Variants in ZSCAN12 observed in about 807,000 individuals in gnomAD.
ZSCAN12 encodes zinc finger and SCAN domain containing 12.
Under a neutral mutation model 23.4 loss-of-function variants are expected in ZSCAN12, and 18 were observed. The ratio of observed to expected loss-of-function variants is 0.77; its 90% CI spans 0.53 to 1.14. The LOEUF (loss-of-function observed/expected upper bound fraction) is 1.14. Ranked by LOEUF, ZSCAN12 falls within the 50% of genes most tolerant of loss-of-function variation. The pLI, the probability that ZSCAN12 is intolerant of heterozygous loss-of-function variation, is 0.00. For missense variants in ZSCAN12, 650 were observed against 735.0 expected (o/e 0.88, Z 1.34); for synonymous variants, 186 against 253.4 (o/e 0.73, Z 2.53).
In ZSCAN12 at chr6:28,391,094, G is replaced by C. The variant is rs1760802421; in HGVS notation, c.1196C>G (p.Ser399Cys). The C allele has an allele frequency of 1.3e-6, 2 of 1,552,156 alleles. No homozygotes were observed. The highest frequency in any genetic ancestry group is 3.9e-5 in the Admixed American group (2 of 50,996). ...TQCNKSFSRR[S>C]ILTQHQGVHT... ...AACTCCTTGATGCTGAGTAAGTATG[G>C]AACGCCGACTAAAACTTTTATTACA... Residue 399 changes from serine (S) to cysteine (C), a missense_variant, in exon 4 of 4, where the codon TCC (serine) becomes TGC (cysteine). Coordinates refer to ENST00000684592, the MANE Select transcript of ZSCAN12 (RefSeq NM_001163391.2). The surrounding 1 kb of genome is among the most constrained non-coding windows in gnomAD (Gnocchi z 4.1).
At chr6:28,395,942 A>G (rs2113994939) in intron 2 of ZSCAN12, among the ~76,000 whole-genome samples, 1 of 151,370 alleles carries the variant, frequency 6.6e-6, no homozygotes, top group Admixed American at 6.6e-5. Flanking sequence ...TTATTTCACT[A>G]TTCCTTTTCT....
rs753927507 is a variant in ZSCAN12, at chr6:28,398,066, CA to C, written c.339del (p.Ser113ArgfsTer6). On this transcript the variant is annotated frameshift_variant, in exon 2 of 4. Transcript: ENST00000684592. LOFTEE classifies it high-confidence loss of function. The stretch of plus-strand genomic sequence containing the variant: ...TCCAGCACAGTCACCACCTCCTCCC[CA>C]CTCTCTGGATGCTGCTCCTGCACCC... ...QAWVQEQHPE[S>X]GEEVVTVLED... The C allele has an allele frequency of 6.2e-7, 1 of 1,613,280 alleles. No individual in the cohort carries two copies. The highest frequency in any genetic ancestry group is 1.3e-5 in the African/African-American group (1 of 74,882).
At chr6:28,393,344 G>A (rs2113987331) in intron 2 of ZSCAN12, among the ~76,000 whole-genome samples, 1 of 151,922 alleles carries the variant, frequency 6.6e-6, no homozygotes, top group African/African-American at 2.4e-5. Flanking sequence ...CAAAACAAAG[G>A]AGAGAAGAAA....
Position 28,391,933 on chromosome 6 carries a change from T to G in ZSCAN12, c.548-191A>C, listed in dbSNP as rs575489425. 3.2e-4 allele frequency among the ~76,000 whole-genome samples: 49 copies of G among 152,240 alleles called. No individual in the cohort carries two copies. Among genetic ancestry groups the G allele is most frequent in the Middle Eastern group, 6.8e-3 (2 of 294 alleles). On this transcript the variant is annotated intron_variant, in intron 3 of 3. Coordinates refer to ENST00000684592, the MANE Select transcript of ZSCAN12 (RefSeq NM_001163391.2). The surrounding 1 kb of genome is among the most constrained non-coding windows in gnomAD (Gnocchi z 4.1). ...ATATCTGGAAGGACACACGAAAAAT[T>G]AGTAACAGTTACAACCTATTTCAGA... is the stretch of plus-strand genomic sequence containing the variant.
chr6:28,397,064 C>T (rs942247461), intron 2 of ZSCAN12, among the ~76,000 whole-genome samples: 11 of 152,094 alleles, frequency 7.2e-5, no homozygotes, highest in Non-Finnish European at 1.2e-4. Flanking sequence ...TGACATGTTC[C>T]TAGCATTGGC....
downstream of ZSCAN12, among the ~76,000 whole-genome samples, chr6:28,383,356 G>A (rs1016955124): frequency 1.4e-4 from 21 of 152,152 alleles, no homozygotes; most frequent in Admixed American, 1.4e-3. Flanking sequence ...CGGAGCGCAC[G>A]AATCTGAAAC....
In ZSCAN12 at chr6:28,389,636, G is replaced by A. The variant is rs1332445324; in HGVS notation, c.*818C>T. 6.6e-6 allele frequency among the ~76,000 whole-genome samples: 1 copy of A among 152,204 alleles called. No homozygotes were observed. Among genetic ancestry groups the A allele is most frequent in the African/African-American group, 2.4e-5 (1 of 41,452 alleles). On this transcript the variant is annotated 3_prime_UTR_variant, in exon 4 of 4. Coordinates refer to ENST00000684592, the MANE Select transcript of ZSCAN12 (RefSeq NM_001163391.2). ...AACAAGCTCCAAACATGATTTTGAT[G>A]TTCATCAAAGTTGGAGGATCACTAG...
chr6:28,398,552 T>G, intron 1 of ZSCAN12, 79 bp from the exon 2 acceptor site: 1 of 752,890 alleles, frequency 1.3e-6, no homozygotes, highest in East Asian at 2.7e-5. Context: ...AACTATGACC[T>G]TTGAAATCTG....
chr6:28,393,095 C>A (rs1399831570), intron 2 of ZSCAN12, 49 bp from the exon 3 acceptor site: 1 of 1,538,516 alleles, frequency 6.5e-7, no homozygotes, highest in Admixed American at 2.0e-5. Context: ...TAACAGAAAA[C>A]AAAAAGTATA....
intron 3 of ZSCAN12, among the ~76,000 whole-genome samples, chr6:28,392,565 T>C (rs1345252540): frequency 6.6e-6 from 1 of 152,124 alleles, no homozygotes. Flanking sequence ...AAAGGCTTAT[T>C]TAGTGAAGCA....
chr6:28,390,685 TC>T lies in ZSCAN12; in HGVS notation c.1604del (p.Arg535GlnfsTer91), dbSNP rs1157601092. On this transcript the variant is annotated frameshift_variant, in exon 4 of 4. Coordinates refer to ENST00000684592, the MANE Select transcript of ZSCAN12 (RefSeq NM_001163391.2). LOFTEE classifies it low-confidence loss of function (END_TRUNC). ...YKCDECGNAF[R>X]GITSLIQHQR... The stretch of plus-strand genomic sequence containing the variant: ...GATGCTGAATGAGGCTGGTGATTCC[TC>T]GGAAGGCATTCCCACACTCATCACA... The T allele has an allele frequency of 6.2e-7, 1 of 1,613,004 alleles. No individual in the cohort carries two copies. Among genetic ancestry groups the T allele is most frequent in the East Asian group, 2.2e-5 (1 of 44,840 alleles).
Position 28,391,597 on chromosome 6 carries a change from T to C in ZSCAN12, c.693A>G (p.Glu231=). ...ARCGETREPE[E]ITEEPSACSR... is the part of the protein sequence containing the mutation. ...AGCAAGCAGAGGGCTCTTCTGTTAT[T>C]TCTTCAGGTTCACGAGTTTCTCCAC... The change falls in exon 4 of 4, where the codon GAA becomes GAG. Residue 231 remains glutamate, a synonymous_variant. Transcript: ENST00000684592. This position sits in a 1 kb window ranked among gnomAD's most constrained non-coding sequence, Gnocchi z 4.1. 2 of 1,552,264 alleles carry C rather than the reference T, an allele frequency of 1.3e-6. No individual in the cohort carries two copies. Among genetic ancestry groups the C allele is most frequent in the South Asian group, 2.4e-5 (2 of 84,054 alleles).
intron 2 of ZSCAN12, among the ~76,000 whole-genome samples, chr6:28,395,845 G>A (rs1279143305): frequency 2.6e-5 from 4 of 152,056 alleles, no homozygotes; most frequent in Non-Finnish European, 5.9e-5. Flanking sequence ...CTTATGGCTT[G>A]CTCTTTTCAT....
chr6:28,382,704 G>A, downstream of ZSCAN12: 1 of 1,451,176 alleles, frequency 6.9e-7, no homozygotes, highest in Non-Finnish European at 9.1e-7. Context: ...GAAAGAAAAC[G>A]GAACTCTGTC....
rs1337703164 is a variant in ZSCAN12, at chr6:28,389,997, T to C, written c.*457A>G. Among the ~76,000 whole-genome samples, 1 of 152,230 alleles carries C rather than the reference T, an allele frequency of 6.6e-6. No homozygotes were observed. Among genetic ancestry groups the C allele is most frequent in the Non-Finnish European group, 1.5e-5 (1 of 68,046 alleles). On this transcript the variant is annotated 3_prime_UTR_variant, in exon 4 of 4. Transcript: ENST00000684592. ...TTTTCCCTGATGCTTCCAAACCACA[T>C]GCACTCTTATGATGGCTTACATTTG...
intron 1 of ZSCAN12, 147 bp from the exon 2 acceptor site, chr6:28,398,620 A>T: frequency 2.0e-6 from 1 of 499,556 alleles, no homozygotes; most frequent in Non-Finnish European, 3.4e-6. Flanking sequence ...AAAAGACTTA[A>T]GATTAGACCG....
At chr6:28,382,665 C>T, downstream of ZSCAN12, 1 of 1,534,174 alleles carries the variant, frequency 6.5e-7, no homozygotes, top group Non-Finnish European at 8.8e-7. Context: ...CTTCTTTAGC[C>T]AAGAACTCAC....
intron 2 of ZSCAN12, among the ~76,000 whole-genome samples, chr6:28,395,565 C>T (rs1430475791): frequency 6.6e-6 from 1 of 152,166 alleles, no homozygotes; most frequent in Non-Finnish European, 1.5e-5. Flanking sequence ...ACTCCTATGG[C>T]TACCCCAGCC....
intron 2 of ZSCAN12, among the ~76,000 whole-genome samples, chr6:28,396,395 T>G (rs1417381292): frequency 6.6e-6 from 1 of 152,212 alleles, no homozygotes; most frequent in Non-Finnish European, 1.5e-5. Context: ...TCTTTAACTT[T>G]GTTAGGAGTG....
Sources: gnomAD v4.1 joint callset for allele counts (sites outside exome capture counted in the v4.1 genomes callset) on GRCh38, gnomAD v4.1.1 for gene constraint, Gnocchi (gnomAD v3.1) non-coding constraint, MANE v1.5 for transcripts, NCBI Gene and HGNC (gene_info 2026-07-23, HGNC 2026-07-21) for gene names.